MET: variants seen among roughly 807,000 people sequenced by gnomAD.
MET encodes the protein MET proto-oncogene, receptor tyrosine kinase.
MET carries 48 observed loss-of-function variants against 133.1 expected under a neutral mutation model. The observed-to-expected ratio is 0.36, with a 90% confidence interval of 0.29 to 0.46. The LOEUF (loss-of-function observed/expected upper bound fraction) is 0.46. MET is among the 20% of genes least tolerant of loss of function. The pLI is 1.00. For synonymous variants in MET, 628 were observed against 616.5 expected, an observed-to-expected ratio of 1.02 and a Z score of -0.28; for missense variants, 1,442 against 1,695.9, an observed-to-expected ratio of 0.85 and a Z score of 2.63.
chr7:116,744,868 C>G (rs1176890278), intron 5 of MET, among the ~76,000 whole-genome samples: 1 of 152,078 alleles, frequency 6.6e-6, no homozygotes, highest in Non-Finnish European at 1.5e-5. Flanking sequence ...AAGACAGACA[C>G]AAGACAGGGA....
intron 1 of MET, among the ~76,000 whole-genome samples, chr7:116,687,831 G>A (rs1160927623): frequency 6.6e-6 from 1 of 152,100 alleles, no homozygotes; most frequent in Non-Finnish European, 1.5e-5. Context: ...GACTAGAGGG[G>A]GCTTGGCCTT....
intron 2 of MET, among the ~76,000 whole-genome samples, chr7:116,723,861 C>G (rs948350190): frequency 6.6e-6 from 1 of 152,226 alleles, no homozygotes; most frequent in African/African-American, 2.4e-5. Flanking sequence ...CAGCTGCATG[C>G]TGGGAGAACC....
rs1180319732 is a variant in MET, at chr7:116,771,663, T to C, written c.2887+9T>C. 6.2e-6 allele frequency: 10 copies of C among 1,613,586 alleles called. No individual in the cohort carries two copies. Among genetic ancestry groups the C allele is most frequent in the Non-Finnish European group, 7.6e-6 (9 of 1,179,706 alleles). Reference sequence around the variant, plus strand: ...GAGAAAGCAAATTAAAGGTGCATTTTTGTTACTGTTCATTTTTAGAAGTTA... The same window carrying C: ...GAGAAAGCAAATTAAAGGTGCATTTCTGTTACTGTTCATTTTTAGAAGTTA... On this transcript the variant is annotated intron_variant, in intron 13 of 20. Coordinates refer to ENST00000397752, the MANE Select transcript of MET (RefSeq NM_000245.4).
chr7:116,674,245 T>TA (rs1289787138), intron 1 of MET, among the ~76,000 whole-genome samples: 4 of 152,302 alleles, frequency 2.6e-5, no homozygotes, highest in African/African-American at 9.6e-5. Flanking sequence ...ATCTTCATGA[T>TA]AAAAAATGTA....
intron 1 of MET, among the ~76,000 whole-genome samples, chr7:116,680,292 TA>T (rs1796303530): frequency 6.6e-6 from 1 of 152,238 alleles, no homozygotes; most frequent in Non-Finnish European, 1.5e-5. Flanking sequence ...CCATCAGTAA[TA>T]AATCATATAT....
At chr7:116,675,821 G>A (rs1796140835) in intron 1 of MET, among the ~76,000 whole-genome samples, 1 of 149,990 alleles carries the variant, frequency 6.7e-6, no homozygotes, top group Non-Finnish European at 1.5e-5. Context: ...ACCGAGAAAA[G>A]GTTTCATTCA....
intron 2 of MET, among the ~76,000 whole-genome samples, chr7:116,713,277 C>T (rs562175784): frequency 2.2e-4 from 33 of 151,872 alleles, no homozygotes; most frequent in Non-Finnish European, 1.5e-5. Context: ...CGCCTGTAGT[C>T]CCAGCTACTT....
At chr7:116,784,971 C>T (rs557064660) in intron 19 of MET, among the ~76,000 whole-genome samples, 46 of 152,298 alleles carry the variant, frequency 3.0e-4, no homozygotes, top group South Asian at 2.1e-3. Flanking sequence ...CCATTCCAAA[C>T]GGGAGAAATT....
intron 5 of MET, among the ~76,000 whole-genome samples, chr7:116,745,521 T>C (rs1793636719): frequency 6.6e-6 from 1 of 152,186 alleles, no homozygotes; most frequent in Non-Finnish European, 1.5e-5. Flanking sequence ...GCTACCTGAC[T>C]TCAAACTATA....
intron 2 of MET, among the ~76,000 whole-genome samples, chr7:116,727,031 A>C (rs576101694): frequency 2.6e-5 from 4 of 152,308 alleles, no homozygotes; most frequent in Non-Finnish European, 5.9e-5. Flanking sequence ...TTTCAGAGTT[A>C]CCTAAATGCA....
intron 3 of MET, among the ~76,000 whole-genome samples, chr7:116,736,980 G>C (rs1241747730): frequency 6.6e-6 from 1 of 152,158 alleles, no homozygotes; most frequent in Admixed American, 6.5e-5. Flanking sequence ...AGTTAAAGTG[G>C]TTAATCGATT....
chr7:116,688,388 GA>G lies in MET; in HGVS notation c.-14-10679del, dbSNP rs1351668958. Among the ~76,000 whole-genome samples the G allele has an allele frequency of 3.3e-5, 5 of 152,228 alleles. No individual in the cohort carries two copies. The East Asian group carries it at 7.7e-4, about 24-fold the overall frequency. On this transcript the variant is annotated intron_variant, in intron 1 of 20. Coordinates refer to ENST00000397752, the MANE Select transcript of MET (RefSeq NM_000245.4). ...GTCCATCCATTTGGCTGAAAAATAC[GA>G]AAACAAATACTTGTATAAGTTTTCA...
intron 5 of MET, among the ~76,000 whole-genome samples, chr7:116,750,644 C>T (rs555165461): frequency 2.0e-5 from 3 of 152,238 alleles, no homozygotes; most frequent in African/African-American, 7.2e-5. Flanking sequence ...AACAGGCAAC[C>T]TACAGAACAG....
At chr7:116,733,910 A>C (rs577006830) in intron 3 of MET, among the ~76,000 whole-genome samples, 1 of 152,332 alleles carries the variant, frequency 6.6e-6, no homozygotes, top group Non-Finnish European at 1.5e-5. Context: ...ACCACAGAGA[A>C]TCTATTTCTC....
At chr7:116,783,243 T>G in intron 18 of MET, 61 bp from the exon 19 acceptor site, 1 of 1,591,656 alleles carries the variant, frequency 6.3e-7, no homozygotes, top group Admixed American at 1.7e-5. Flanking sequence ...CTGTAGATAT[T>G]CAGCATCATT....
chr7:116,752,244 T>C (rs959468785), intron 5 of MET, among the ~76,000 whole-genome samples: 2 of 152,172 alleles, frequency 1.3e-5, no homozygotes, highest in African/African-American at 2.4e-5. Flanking sequence ...TTTTGGAGTT[T>C]TTTTGTTCTG....
intron 2 of MET, among the ~76,000 whole-genome samples, chr7:116,727,412 T>C (rs752246483): frequency 3.3e-5 from 5 of 152,198 alleles, no homozygotes; most frequent in Non-Finnish European, 7.3e-5. Context: ...GGTCTTATTA[T>C]ACATGAAAAT....
intron 2 of MET, among the ~76,000 whole-genome samples, chr7:116,726,355 T>G (rs1388815449): frequency 6.6e-6 from 1 of 150,606 alleles, no homozygotes; most frequent in Non-Finnish European, 1.5e-5. Flanking sequence ...GCTACACAGG[T>G]GTGTGCCCAG....
intron 2 of MET, among the ~76,000 whole-genome samples, chr7:116,728,767 T>C (rs980129692): frequency 2.6e-5 from 4 of 152,158 alleles, no homozygotes; most frequent in Non-Finnish European, 5.9e-5. Context: ...CCTGTCCTCT[T>C]GTTGATAGAA....
Sources: gnomAD v4.1 joint callset for allele counts (sites outside exome capture counted in the v4.1 genomes callset) on GRCh38, gnomAD v4.1.1 for gene constraint, MANE v1.5 for transcripts, NCBI Gene and HGNC (gene_info 2026-07-23, HGNC 2026-07-21) for gene names.